Variants in CNTNAP5 observed in about 807,000 individuals in gnomAD.
CNTNAP5 encodes the protein contactin associated protein family member 5.
In CNTNAP5, 72 loss-of-function variants were observed where a neutral mutation model predicts 150.2. The ratio of observed to expected loss-of-function variants is 0.48; its 90% CI spans 0.40 to 0.58. CNTNAP5 has a LOEUF of 0.58. Ranked by LOEUF, CNTNAP5 falls within the 20% of genes least tolerant of loss-of-function variation. CNTNAP5 has a pLI of 0.00. For synonymous variants in CNTNAP5, 672 were observed against 619.8 expected (o/e 1.08, Z -1.25); for missense variants, 1,636 against 1,626.2 (o/e 1.01, Z -0.10).
At chr2:124,028,597 G>C (rs1268057117) in intron 1 of CNTNAP5, among the ~76,000 whole-genome samples, 1 of 152,056 alleles carries the variant, frequency 6.6e-6, no homozygotes, top group Non-Finnish European at 1.5e-5. Context: ...GGTTTATCCT[G>C]AGGGAATTAG....
In CNTNAP5 at chr2:124,219,650, C is replaced by T. The variant is rs370150672; in HGVS notation, c.83-2055C>T. Among the ~76,000 whole-genome samples the T allele has an allele frequency of 5.3e-5, 8 of 152,046 alleles. No homozygotes were observed. In the East Asian group the frequency reaches 1.2e-3, roughly 22 times the overall value. ...ATGGGGCTCACTTTTTTTCCACATT[C>T]ATCTGATGCTTCTTGATGACAAAAC... On this transcript the variant is annotated intron_variant, in intron 1 of 23. Coordinates refer to ENST00000682447, the MANE Select transcript of CNTNAP5 (RefSeq NM_001367498.1).
chr2:124,389,741 G>A (rs1031056240), intron 3 of CNTNAP5, among the ~76,000 whole-genome samples: 1 of 152,134 alleles, frequency 6.6e-6, no homozygotes, highest in African/African-American at 2.4e-5. Context: ...CTTAGTGGGA[G>A]GATTGCTTTA....
chr2:124,343,030 C>T (rs982001892), intron 3 of CNTNAP5, among the ~76,000 whole-genome samples: 13 of 152,136 alleles, frequency 8.5e-5, no homozygotes, highest in South Asian at 2.1e-4. Flanking sequence ...GAAACAACAC[C>T]TTAGGATTAT....
chr2:124,164,714 C>T (rs1379604780), intron 1 of CNTNAP5, among the ~76,000 whole-genome samples: 2 of 152,094 alleles, frequency 1.3e-5, no homozygotes, highest in African/African-American at 2.4e-5. Flanking sequence ...TTACACAGGG[C>T]CACGTAAATC....
intron 5 of CNTNAP5, among the ~76,000 whole-genome samples, chr2:124,439,212 A>C (rs1193551507): frequency 6.6e-6 from 1 of 152,166 alleles, no homozygotes; most frequent in African/African-American, 2.4e-5. Context: ...CAGGTATTTC[A>C]TACAAAGAAT....
intron 13 of CNTNAP5, among the ~76,000 whole-genome samples, chr2:124,721,354 T>G (rs1431627783): frequency 2.6e-5 from 4 of 152,008 alleles, no homozygotes; most frequent in Admixed American, 6.6e-5. Context: ...GGCACTCACA[T>G]GTAATCCCAG....
At chr2:124,228,603 G>C (rs1558810456) in intron 2 of CNTNAP5, among the ~76,000 whole-genome samples, 1 of 152,120 alleles carries the variant, frequency 6.6e-6, no homozygotes, top group Non-Finnish European at 1.5e-5. Flanking sequence ...GCATTTTTCT[G>C]GAAAATTAAA....
rs149829620 is a variant in CNTNAP5 at position 124,466,156 on chromosome 2, A to AT, written c.919-8578dup. 5.4e-3 allele frequency among the ~76,000 whole-genome samples: 823 copies of AT among 151,822 alleles called. 9 individuals are homozygous for AT. The highest frequency in any genetic ancestry group is 0.019 in the African/African-American group (773 of 41,368). On this transcript the variant is annotated intron_variant, in intron 6 of 23. Transcript: ENST00000682447. Reference sequence around the variant, plus strand: ...TGTTTATTTATTTATTTATTTTTCCATTTTTACTTCAAGAAAATAATTTTC... The same window carrying AT: ...TGTTTATTTATTTATTTATTTTTCCATTTTTTACTTCAAGAAAATAATTTTC...
intron 1 of CNTNAP5, among the ~76,000 whole-genome samples, chr2:124,091,208 C>T (rs929778136): frequency 5.9e-5 from 9 of 152,072 alleles, no homozygotes; most frequent in Non-Finnish European, 8.8e-5. Context: ...GAGTGTACAT[C>T]GCACCTGATA....
intron 2 of CNTNAP5, among the ~76,000 whole-genome samples, chr2:124,224,504 T>A (rs966270869): frequency 6.6e-6 from 1 of 151,596 alleles, no homozygotes; most frequent in Non-Finnish European, 1.5e-5. Context: ...ATATATAGAG[T>A]AAAATGTATA....
At chr2:124,164,556 A>T (rs1175498050) in intron 1 of CNTNAP5, among the ~76,000 whole-genome samples, 1 of 152,190 alleles carries the variant, frequency 6.6e-6, no homozygotes, top group Non-Finnish European at 1.5e-5. Flanking sequence ...GTGAAAAAGT[A>T]AGGTTTTGGA....
chr2:124,347,632 C>G (rs996483791), intron 3 of CNTNAP5, among the ~76,000 whole-genome samples: 1 of 152,170 alleles, frequency 6.6e-6, no homozygotes, highest in Non-Finnish European at 1.5e-5. Flanking sequence ...ACGTTTTGTG[C>G]TTATGGTTGC....
intron 8 of CNTNAP5, among the ~76,000 whole-genome samples, chr2:124,510,273 C>CTATATATATATATATATATCTA (rs369953695): frequency 1.8e-4 from 6 of 33,918 alleles, no homozygotes; most frequent in Non-Finnish European, 3.8e-4. Context: ...ATCTATATAT[C>CTATATATATATATATATATCTA]TATATCTATA....
At chr2:124,776,306 T>C (rs1418181817) in intron 17 of CNTNAP5, among the ~76,000 whole-genome samples, 4 of 152,086 alleles carry the variant, frequency 2.6e-5, no homozygotes, top group Non-Finnish European at 5.9e-5. Context: ...TTGGCCCAAC[T>C]GCTCTATTTG....
chr2:124,533,992 T>TA, intron 10 of CNTNAP5, among the ~76,000 whole-genome samples: 1 of 152,224 alleles, frequency 6.6e-6, no homozygotes, highest in African/African-American at 2.4e-5. Context: ...CAGTATTGCT[T>TA]AAAAAACTTT....
intron 19 of CNTNAP5, among the ~76,000 whole-genome samples, chr2:124,800,038 G>T (rs1473030817): frequency 6.6e-6 from 1 of 152,178 alleles, no homozygotes; most frequent in East Asian, 1.9e-4. Context: ...TCAGGGCTTT[G>T]TGAGGGTGAT....
chr2:124,649,004 G>A (rs546766396), intron 13 of CNTNAP5, among the ~76,000 whole-genome samples: 11 of 152,302 alleles, frequency 7.2e-5, no homozygotes, highest in South Asian at 6.2e-4. Context: ...CAGGGAAGAC[G>A]TTGTTCCACG....
intron 19 of CNTNAP5, among the ~76,000 whole-genome samples, chr2:124,858,793 G>A (rs1375719131): frequency 6.6e-6 from 1 of 152,052 alleles, no homozygotes; most frequent in African/African-American, 2.4e-5. Context: ...AAGCAGCAAA[G>A]TAAGAGCAAA....
intron 3 of CNTNAP5, among the ~76,000 whole-genome samples, chr2:124,317,743 C>T (rs1689002010): frequency 6.6e-6 from 1 of 152,186 alleles, no homozygotes; most frequent in African/African-American, 2.4e-5. Context: ...TCACTGAGGA[C>T]ACTGATTTAA....
Sources: gnomAD v4.1 joint callset for allele counts (sites outside exome capture counted in the v4.1 genomes callset) on GRCh38, gnomAD v4.1.1 for gene constraint, MANE v1.5 for transcripts, NCBI Gene and HGNC (gene_info 2026-07-23, HGNC 2026-07-21) for gene names.